The following KRTAP24-1 variants were observed in gnomAD, a reference collection of about 807,000 sequenced individuals.
The protein encoded by KRTAP24-1 is keratin associated protein 24-1.
For synonymous variants in KRTAP24-1, 133 were observed against 116.3 expected, an observed-to-expected ratio of 1.14 and a Z score of -0.92; for missense variants, 344 against 303.2, an observed-to-expected ratio of 1.13 and a Z score of -1.00.
Position 30,282,285 on chromosome 21 carries a change from C to G in KRTAP24-1, c.648G>C (p.Thr216=). Reference sequence around the variant, plus strand: ...ATAAATAGCTCAGTGGTCGGCAGCTCGTAGGCCTGTAGCTTGAATAGTGAT... The same window carrying G: ...ATAAATAGCTCAGTGGTCGGCAGCTGGTAGGCCTGTAGCTTGAATAGTGAT... ...RNYHYSSYRP[T]SCRPLSYLSR... Residue 216 remains threonine (T), a synonymous_variant, in exon 1 of 1, where the codon ACG becomes ACC. Transcript: ENST00000340345. 1.2e-6 allele frequency: 2 copies of G among 1,613,930 alleles called. No individual in the cohort carries two copies. Among genetic ancestry groups the G allele is most frequent in the Non-Finnish European group, 1.7e-6 (2 of 1,179,968 alleles).
At position 30,282,941 on chromosome 21, in the gene KRTAP24-1, G is replaced by GT. The variant is rs768019891; in HGVS notation, c.-10dup. Reference sequence around the variant, plus strand: ...ATGGAGCCTGCAGGCATGCTCAGTGGTCGCTGTGCAGTGTGTCTGTGGCCT... The same window carrying GT: ...ATGGAGCCTGCAGGCATGCTCAGTGGTTCGCTGTGCAGTGTGTCTGTGGCCT... On this transcript the variant is annotated 5_prime_UTR_variant, in exon 1 of 1. Coordinates refer to ENST00000340345, the MANE Select transcript of KRTAP24-1 (RefSeq NM_001085455.3). 10 of 1,599,112 alleles carry GT rather than the reference G, an allele frequency of 6.3e-6. No individual in the cohort carries two copies. Among genetic ancestry groups the GT allele is most frequent in the Non-Finnish European group, 6.8e-6 (8 of 1,172,212 alleles).
the KRTAP24-1 span, chr21:30,282,909 AG>A: frequency 6.2e-7 from 1 of 1,612,356 alleles, no homozygotes; most frequent in East Asian, 2.2e-5. Flanking sequence ...GATAGCCTGT[AG>A]TAGACATGGA....
rs780691889 is a variant in KRTAP24-1 at position 30,282,657 on chromosome 21, A to C, written c.276T>G (p.Ser92=). The change falls in exon 1 of 1, where the codon TCT becomes TCG. Residue 92 remains serine, a synonymous_variant. Coordinates refer to ENST00000340345, the MANE Select transcript of KRTAP24-1 (RefSeq NM_001085455.3). The part of the protein sequence containing the change: ...STTGCDPSNS[S]VPCNSPSAGQ... ...CTGCTGATGGGGAGTTGCAGGGCAC[A>C]GAGGAGTTTGACGGGTCACAACCAG... is the stretch of plus-strand genomic sequence containing the variant. 2 of 1,601,806 alleles carry C rather than the reference A, an allele frequency of 1.2e-6. No homozygotes were observed. The highest frequency in any genetic ancestry group is 3.4e-5 in the Admixed American group (2 of 59,424).
Position 30,282,398 on chromosome 21 carries a change from G to T in KRTAP24-1, c.535C>A (p.Gln179Lys), listed in dbSNP as rs1017568295. ...TAGCTGGGTATGAAGCAAGGATTTT[G>T]GTAGCTTTTATACCCCAAAGTACTC... Reference protein sequence around the residue: ...RLSTLGYKSYQNPCFIPSYVS... With the variant: ...RLSTLGYKSYKNPCFIPSYVS... The change falls in exon 1 of 1, where the codon CAA becomes AAA. Residue 179 changes from glutamine (Q) to lysine (K), a missense_variant. Gln to Lys is a moderately conservative substitution (Grantham distance 53, BLOSUM62 1). Coordinates refer to ENST00000340345, the MANE Select transcript of KRTAP24-1 (RefSeq NM_001085455.3). 6.2e-7 allele frequency: 1 copy of T among 1,614,092 alleles called. No individual in the cohort carries two copies. Among genetic ancestry groups the T allele is most frequent in the Admixed American group, 1.7e-5 (1 of 59,998 alleles).
chr21:30,282,579 G>A lies in KRTAP24-1; in HGVS notation c.354C>T (p.Cys118=), dbSNP rs772582188. Reference sequence around the variant, plus strand: ...ACCCATTGGTCTGGGTGCTTGGGCTGCAGCTGGGGCTGGGGCTGACGTTGG... The same window carrying A: ...ACCCATTGGTCTGGGTGCTTGGGCTACAGCTGGGGCTGGGGCTGACGTTGG... The part of the protein sequence containing the change: ...ETTNVSPSPS[C]SPSTQTNGYV... The change falls in exon 1 of 1, where the codon TGC becomes TGT. Residue 118 remains cysteine (C), a synonymous_variant. Coordinates refer to ENST00000340345, the MANE Select transcript of KRTAP24-1 (RefSeq NM_001085455.3). 1.3e-6 allele frequency: 2 copies of A among 1,593,772 alleles called. No individual in the cohort carries two copies. Among genetic ancestry groups the A allele is most frequent in the Non-Finnish European group, 1.7e-6 (2 of 1,169,964 alleles).
At position 30,282,516 on chromosome 21, in the gene KRTAP24-1, G is replaced by T. The variant is rs1980740745; in HGVS notation, c.417C>A (p.Ser139=). The change falls in exon 1 of 1, where the codon TCC becomes TCA. Residue 139 remains serine, a synonymous_variant. Coordinates refer to ENST00000340345, the MANE Select transcript of KRTAP24-1 (RefSeq NM_001085455.3). ...CNCHIPTRNA[S]KACQTLRNGS... The stretch of plus-strand genomic sequence containing the variant: ...CGTTGCGGAGGGTTTGGCAGGCTTT[G>T]GATGCATTTCGAGTGGGTATGTGGC... 1.2e-6 allele frequency: 2 copies of T among 1,613,474 alleles called. No individual in the cohort carries two copies. The highest frequency in any genetic ancestry group is 1.7e-6 in the Non-Finnish European group (2 of 1,179,634).
Position 30,282,167 on chromosome 21 carries a change from G to A in KRTAP24-1, c.*1C>T, listed in dbSNP as rs908311515. The A allele has an allele frequency of 1.9e-6, 3 of 1,604,854 alleles. No homozygotes were observed. In the African/African-American group the frequency reaches 4.0e-5, roughly 22 times the overall value. Reference sequence around the variant, plus strand: ...CAGCTGCTATAAATTCTGGAAGTTGGTCAATAGCATTTCAGAGGTCTGCTA... The same window carrying A: ...CAGCTGCTATAAATTCTGGAAGTTGATCAATAGCATTTCAGAGGTCTGCTA... On this transcript the variant is annotated 3_prime_UTR_variant, in exon 1 of 1. Coordinates refer to ENST00000340345, the MANE Select transcript of KRTAP24-1 (RefSeq NM_001085455.3).
Position 30,282,834 on chromosome 21 carries a change from A to G in KRTAP24-1, c.99T>C (p.Thr33=). The change falls in exon 1 of 1, where the codon ACT becomes ACC. Residue 33 remains threonine (T), a synonymous_variant. Coordinates refer to ENST00000340345, the MANE Select transcript of KRTAP24-1 (RefSeq NM_001085455.3). ...HCYIPVTSSV[T]LSSSDLSPTF... is the part of the protein sequence containing the mutation. ...TAGGGCTTAAATCACTGGAGCTAAG[A>G]GTAACAGAAGAGGTCACTGGGATAT... 2 of 1,613,902 alleles carry G rather than the reference A, an allele frequency of 1.2e-6. No individual in the cohort carries two copies. Among genetic ancestry groups the G allele is most frequent in the East Asian group, 2.2e-5 (1 of 44,854 alleles).
At chr21:30,282,801 TC>T in the KRTAP24-1 span, 1 of 1,614,088 alleles carries the variant, frequency 6.2e-7, no homozygotes, top group Non-Finnish European at 8.5e-7. Flanking sequence ...GTAAGCAGTG[TC>T]CAAAGGTAGG....
Position 30,281,972 on chromosome 21 carries a change from T to A in KRTAP24-1, c.*196A>T. 6 of 582,020 alleles carry A rather than the reference T, an allele frequency of 1.0e-5. No homozygotes were observed. The highest frequency in any genetic ancestry group is 1.8e-5 in the Non-Finnish European group (6 of 334,744). 36.1% of individuals were successfully genotyped at this position (582,020 alleles called of 1,614,324 possible). A position where few individuals can be genotyped will look rare whatever the true frequency, so the allele number is the denominator to read the frequency against. ...GGTCAGCTTTTAGTACAAAGAGCAA[T>A]AACAGAACAACAGAAAAAAGAAAAC... On this transcript the variant is annotated 3_prime_UTR_variant, in exon 1 of 1. Coordinates refer to ENST00000340345, the MANE Select transcript of KRTAP24-1 (RefSeq NM_001085455.3).
chr21:30,282,715 G>A lies in KRTAP24-1; in HGVS notation c.218C>T (p.Ser73Phe). Residue 73 changes from serine to phenylalanine, a missense_variant, in exon 1 of 1, where the codon TCT becomes TTT. Coordinates refer to ENST00000340345, the MANE Select transcript of KRTAP24-1 (RefSeq NM_001085455.3). ...ESYGEAPTCK[S>F]PSCEPKTCST... The stretch of plus-strand genomic sequence containing the variant: ...GCAGGTCTTGGGCTCACAGCTGGGA[G>A]ATTTGCAGGTTGGTGCTTCACCGTA... 1 of 1,613,856 alleles carries A rather than the reference G, an allele frequency of 6.2e-7. No homozygotes were observed. The highest frequency in any genetic ancestry group is 8.5e-7 in the Non-Finnish European group (1 of 1,179,866).
In KRTAP24-1 at chr21:30,282,597, G is replaced by A. The variant is rs375465013; in HGVS notation, c.336C>T (p.Val112=). The change falls in exon 1 of 1, where the codon GTC becomes GTT. Residue 112 remains valine (V), a synonymous_variant. Coordinates refer to ENST00000340345, the MANE Select transcript of KRTAP24-1 (RefSeq NM_001085455.3). ...TTGGGCTGCAGCTGGGGCTGGGGCT[G>A]ACGTTGGTAGTTTCACAGACACTGA... ...QVFSVCETTN[V]SPSPSCSPST... 2.5e-4 allele frequency: 401 copies of A among 1,589,152 alleles called. No homozygotes were observed. The highest frequency in any genetic ancestry group is 3.3e-4 in the Non-Finnish European group (381 of 1,167,896).
In KRTAP24-1 at chr21:30,282,489, A is replaced by G. The variant is rs1420773438; in HGVS notation, c.444T>C (p.Gly148=). The change falls in exon 1 of 1, where the codon GGT becomes GGC. Residue 148 remains glycine (G), a synonymous_variant. Coordinates refer to ENST00000340345, the MANE Select transcript of KRTAP24-1 (RefSeq NM_001085455.3). ...AGTTAAGTTGTCCAAAGCAGTTGGAACCGTTGCGGAGGGTTTGGCAGGCTT... is the reference window on the plus strand; with the variant it reads ...AGTTAAGTTGTCCAAAGCAGTTGGAGCCGTTGCGGAGGGTTTGGCAGGCTT... The part of the protein sequence containing the change: ...ASKACQTLRN[G]SNCFGQLNCL... The G allele has an allele frequency of 1.9e-6, 3 of 1,613,940 alleles. No homozygotes were observed. Among genetic ancestry groups the G allele is most frequent in the Non-Finnish European group, 2.5e-6 (3 of 1,179,978 alleles).
chr21:30,282,487 G>A lies in KRTAP24-1; in HGVS notation c.446C>T (p.Ser149Phe). 1 of 1,614,134 alleles carries A rather than the reference G, an allele frequency of 6.2e-7. No homozygotes were observed. The highest frequency in any genetic ancestry group is 1.1e-5 in the South Asian group (1 of 91,076). The change falls in exon 1 of 1, where the codon TCC (serine) becomes TTC (phenylalanine). Residue 149 changes from serine (S) to phenylalanine (F), a missense_variant. Coordinates refer to ENST00000340345, the MANE Select transcript of KRTAP24-1 (RefSeq NM_001085455.3). ...GCAGTTAAGTTGTCCAAAGCAGTTG[G>A]AACCGTTGCGGAGGGTTTGGCAGGC... Reference protein sequence around the residue: ...SKACQTLRNGSNCFGQLNCLS... With the variant: ...SKACQTLRNGFNCFGQLNCLS...
In KRTAP24-1 at chr21:30,282,732, T is replaced by C; in HGVS notation, c.201A>G (p.Glu67=). ...LLDYCQESYG[E]APTCKSPSCE... is the part of the protein sequence containing the mutation. ...AGCTGGGAGATTTGCAGGTTGGTGC[T>C]TCACCGTAGGATTCTTGGCAGTAAT... is the stretch of plus-strand genomic sequence containing the variant. The change falls in exon 1 of 1, where the codon GAA becomes GAG. Residue 67 remains glutamate, a synonymous_variant. Transcript: ENST00000340345. 1.9e-6 allele frequency: 3 copies of C among 1,613,960 alleles called. No homozygotes were observed. Among genetic ancestry groups the C allele is most frequent in the Non-Finnish European group, 2.5e-6 (3 of 1,179,928 alleles).
chr21:30,282,213 A>G lies in KRTAP24-1; in HGVS notation c.720T>C (p.Pro240=). 6.2e-7 allele frequency: 1 copy of G among 1,613,968 alleles called. No homozygotes were observed. Among genetic ancestry groups the G allele is most frequent in the Non-Finnish European group, 8.5e-7 (1 of 1,179,988 alleles). The change falls in exon 1 of 1, where the codon CCT becomes CCC. Residue 240 remains proline (P), a synonymous_variant. Coordinates refer to ENST00000340345, the MANE Select transcript of KRTAP24-1 (RefSeq NM_001085455.3). The stretch of plus-strand genomic sequence containing the variant: ...TGCTACCACTGCACAAATACCTCAG[A>G]GGTGGAAAGGTACTGGGTATATAGC... The part of the protein sequence containing the change: ...SLSYIPSTFP[P]LRYLCSGSRP...
In KRTAP24-1 at chr21:30,282,397, T is replaced by C. The variant is rs1980733045; in HGVS notation, c.536A>G (p.Gln179Arg). ...RLSTLGYKSY[Q>R]NPCFIPSYVS... is the part of the protein sequence containing the mutation. ...GTAGCTGGGTATGAAGCAAGGATTT[T>C]GGTAGCTTTTATACCCCAAAGTACT... Residue 179 changes from glutamine (Q) to arginine (R), a missense_variant, in exon 1 of 1, where the codon CAA becomes CGA. Coordinates refer to ENST00000340345, the MANE Select transcript of KRTAP24-1 (RefSeq NM_001085455.3). 1 of 1,614,066 alleles carries C rather than the reference T, an allele frequency of 6.2e-7. No individual in the cohort carries two copies. Among genetic ancestry groups the C allele is most frequent in the South Asian group, 1.1e-5 (1 of 91,088 alleles).
Position 30,282,511 on chromosome 21 carries a change from G to A in KRTAP24-1, c.422C>T (p.Ala141Val). The A allele has an allele frequency of 3.7e-6, 6 of 1,613,610 alleles. No individual in the cohort carries two copies. The highest frequency in any genetic ancestry group is 5.1e-6 in the Non-Finnish European group (6 of 1,179,708). The change falls in exon 1 of 1, where the codon GCC (alanine) becomes GTC (valine). Residue 141 changes from alanine to valine, a missense_variant. Transcript: ENST00000340345. ...GGAACCGTTGCGGAGGGTTTGGCAGGCTTTGGATGCATTTCGAGTGGGTAT... is the reference window on the plus strand; with the variant it reads ...GGAACCGTTGCGGAGGGTTTGGCAGACTTTGGATGCATTTCGAGTGGGTAT... ...CHIPTRNASK[A>V]CQTLRNGSNC...
In KRTAP24-1 at chr21:30,282,552, A is replaced by G; in HGVS notation, c.381T>C (p.Tyr127=). 1 of 1,606,316 alleles carries G rather than the reference A, an allele frequency of 6.2e-7. No homozygotes were observed. The highest frequency in any genetic ancestry group is 8.5e-7 in the Non-Finnish European group (1 of 1,175,770). The change falls in exon 1 of 1, where the codon TAT becomes TAC. Residue 127 remains tyrosine (Y), a synonymous_variant. Coordinates refer to ENST00000340345, the MANE Select transcript of KRTAP24-1 (RefSeq NM_001085455.3). Reference sequence around the variant, plus strand: ...GAGTGGGTATGTGGCAATTGCATACATACCCATTGGTCTGGGTGCTTGGGC... The same window carrying G: ...GAGTGGGTATGTGGCAATTGCATACGTACCCATTGGTCTGGGTGCTTGGGC... ...SCSPSTQTNG[Y]VCNCHIPTRN...
Sources: gnomAD v4.1 joint callset for allele counts on GRCh38, gnomAD v4.1.1 for gene constraint, MANE v1.5 for transcripts, NCBI Gene and HGNC (gene_info 2026-07-23, HGNC 2026-07-21) for gene names.